The following ANO2 variants were observed in gnomAD, a reference collection of about 807,000 sequenced individuals.
ANO2 encodes anoctamin 2.
A neutral mutation model predicts 124.2 loss-of-function variants in ANO2; 101 were observed. The ratio of observed to expected loss-of-function variants is 0.81; its 90% confidence interval spans 0.69 to 0.96. ANO2 has a LOEUF of 0.96. Among genes scored for constraint, ANO2 ranks in the 40% least tolerant of loss-of-function variants. The probability of loss-of-function intolerance (pLI) is 0.00; values close to 1 mark genes in which losing one functional copy is unlikely to be tolerated. For synonymous variants in ANO2, 486 were observed against 482.5 expected (o/e 1.01, Z -0.09); for missense variants, 1,293 against 1,274.5 (o/e 1.01, Z -0.22).
intron 16 of ANO2, among the ~76,000 whole-genome samples, chr12:5,622,750 G>C (rs1251294007): frequency 6.6e-6 from 1 of 152,062 alleles, no homozygotes; most frequent in African/African-American, 2.4e-5. Flanking sequence ...GATCACTTGA[G>C]GCCAAGAGTT....
intron 3 of ANO2, among the ~76,000 whole-genome samples, chr12:5,858,456 C>T (rs1326559395): frequency 6.6e-6 from 1 of 152,110 alleles, no homozygotes; most frequent in Non-Finnish European, 1.5e-5. Flanking sequence ...TTTAGAGATT[C>T]AAATAGAATC....
chr12:5,637,883 G>A (rs897005453), intron 15 of ANO2, among the ~76,000 whole-genome samples: 2 of 152,156 alleles, frequency 1.3e-5, no homozygotes, highest in Non-Finnish European at 2.9e-5. Flanking sequence ...TCGAGCTGCA[G>A]GAACTTGCAG....
At chr12:5,564,103 C>T (rs915632062) in intron 24 of ANO2, among the ~76,000 whole-genome samples, 17 of 152,202 alleles carry the variant, frequency 1.1e-4, no homozygotes, top group South Asian at 2.1e-4. Flanking sequence ...GCCTTGACTT[C>T]GGGCCTTCAC....
intron 3 of ANO2, among the ~76,000 whole-genome samples, chr12:5,886,322 T>C (rs1047428199): frequency 2.0e-5 from 3 of 152,202 alleles, no homozygotes; most frequent in Non-Finnish European, 4.4e-5. Flanking sequence ...ATCCTGCCAT[T>C]TGTGACATCG....
At chr12:5,930,034 A>C (rs1225449247) in intron 1 of ANO2, among the ~76,000 whole-genome samples, 2 of 112,994 alleles carry the variant, frequency 1.8e-5, no homozygotes, top group Non-Finnish European at 3.8e-5. Context: ...CTTATTAGTC[A>C]CTTTCTTACC....
chr12:5,794,831 T>C (rs1952801525), intron 10 of ANO2, among the ~76,000 whole-genome samples: 1 of 152,200 alleles, frequency 6.6e-6, no homozygotes, highest in African/African-American at 2.4e-5. Flanking sequence ...GAATTGCCTT[T>C]CTCAATCCCA....
intron 14 of ANO2, among the ~76,000 whole-genome samples, chr12:5,696,922 A>G (rs1055661356): frequency 2.6e-5 from 4 of 152,262 alleles, no homozygotes; most frequent in African/African-American, 9.6e-5. Flanking sequence ...AATTTAAATT[A>G]TGCTAGCAAA....
At chr12:5,928,368 C>T (rs954349327) in intron 1 of ANO2, among the ~76,000 whole-genome samples, 2 of 152,174 alleles carry the variant, frequency 1.3e-5, no homozygotes, top group South Asian at 2.1e-4. Context: ...AGAGCATCCG[C>T]ACTCTCCCAG....
chr12:5,640,698 T>C (rs1946316912), intron 15 of ANO2, among the ~76,000 whole-genome samples: 1 of 152,150 alleles, frequency 6.6e-6, no homozygotes, highest in Non-Finnish European at 1.5e-5. Context: ...CCAGTTAGAA[T>C]GGCAATCATT....
intron 14 of ANO2, among the ~76,000 whole-genome samples, chr12:5,701,446 T>C (rs1949402520): frequency 1.3e-5 from 2 of 152,238 alleles, no homozygotes; most frequent in South Asian, 2.1e-4. Flanking sequence ...CTGGACCTAA[T>C]AAGTTTAGAC....
chr12:5,840,005 C>A (rs534209016), intron 4 of ANO2, among the ~76,000 whole-genome samples: 1 of 152,258 alleles, frequency 6.6e-6, no homozygotes, highest in African/African-American at 2.4e-5. Context: ...GCAGCCCAGG[C>A]TCTCCTCTTT....
At chr12:5,685,407 G>A (rs1055754733) in intron 14 of ANO2, among the ~76,000 whole-genome samples, 4 of 152,202 alleles carry the variant, frequency 2.6e-5, no homozygotes, top group African/African-American at 7.2e-5. Context: ...GGCCCTCCCA[G>A]TCAGATCAAG....
intron 14 of ANO2, among the ~76,000 whole-genome samples, chr12:5,682,508 C>A (rs767449956): frequency 6.6e-6 from 1 of 152,168 alleles, no homozygotes; most frequent in Non-Finnish European, 1.5e-5. Context: ...GTGCTTATGG[C>A]AGTCAAGGGT....
chr12:5,711,411 C>T (rs1429009182), intron 14 of ANO2, among the ~76,000 whole-genome samples: 1 of 152,176 alleles, frequency 6.6e-6, no homozygotes, highest in Non-Finnish European at 1.5e-5. Context: ...CCTGAGGCCT[C>T]CCCAGCGGCC....
chr12:5,853,337 T>C (rs1336591941), intron 4 of ANO2, among the ~76,000 whole-genome samples: 2 of 144,566 alleles, frequency 1.4e-5, no homozygotes, highest in South Asian at 2.2e-4. Context: ...TAGACTATCC[T>C]GGATTAAAAA....
rs1955287505 is a variant in ANO2, at chr12:5,862,071, G to A, written c.535-7930C>T. Among the ~76,000 whole-genome samples, 1 of 152,164 alleles carries A rather than the reference G, an allele frequency of 6.6e-6. No individual in the cohort carries two copies. The highest frequency in any genetic ancestry group is 1.5e-5 in the Non-Finnish European group (1 of 68,040). On this transcript the variant is annotated intron_variant, in intron 3 of 24. Transcript: ENST00000682330. The surrounding 1 kb of genome is among the most constrained non-coding windows in gnomAD (Gnocchi z 4.0). Reference sequence around the variant, plus strand: ...AAGAATGTACAGCCTCTGATTCGGAGCAGGCTCTGCCTGGTCCTCCTGAGA... The same window carrying A: ...AAGAATGTACAGCCTCTGATTCGGAACAGGCTCTGCCTGGTCCTCCTGAGA...
chr12:5,780,246 A>G (rs1188244756), intron 10 of ANO2, among the ~76,000 whole-genome samples: 2 of 152,204 alleles, frequency 1.3e-5, no homozygotes, highest in Admixed American at 1.3e-4. Flanking sequence ...TCAGAAGAGT[A>G]AATGTGGCAG....
At chr12:5,586,362 G>A (rs907832789) in intron 20 of ANO2, among the ~76,000 whole-genome samples, 9 of 152,330 alleles carry the variant, frequency 5.9e-5, no homozygotes, top group African/African-American at 2.2e-4. Context: ...ATTTGGAGAA[G>A]ATGGCAGGAG....
chr12:5,818,566 T>C (rs1178813417), intron 7 of ANO2, among the ~76,000 whole-genome samples: 1 of 148,540 alleles, frequency 6.7e-6, no homozygotes, highest in Non-Finnish European at 1.5e-5. Context: ...ACAGATTTTC[T>C]ACCAGGAGTG....
Sources: gnomAD v4.1 joint callset for allele counts (sites outside exome capture counted in the v4.1 genomes callset) on GRCh38, gnomAD v4.1.1 for gene constraint, Gnocchi (gnomAD v3.1) non-coding constraint, MANE v1.5 for transcripts, NCBI Gene and HGNC (gene_info 2026-07-23, HGNC 2026-07-21) for gene names.